The following NAALADL2 variants were observed in gnomAD, a reference collection of about 807,000 sequenced individuals.
The protein encoded by NAALADL2 is inactive N-acetylated-alpha-linked acidic dipeptidase-like protein 2.
A neutral mutation model predicts 87.2 loss-of-function variants in NAALADL2; 76 were observed. The observed-to-expected ratio is 0.87, with a 90% CI of 0.72 to 1.05. The LOEUF is 1.05. Ranked by LOEUF, NAALADL2 falls within the 50% of genes least tolerant of loss-of-function variation. The pLI is 0.00. For synonymous variants in NAALADL2, 354 were observed against 331.0 expected (o/e 1.07, Z -0.75); for missense variants, 1,089 against 945.8 (o/e 1.15, Z -1.99).
chr3:174,526,035 T>C (rs1463987999), intron 1 of NAALADL2, among the ~76,000 whole-genome samples: 2 of 152,234 alleles, frequency 1.3e-5, no homozygotes, highest in African/African-American at 2.4e-5. Context: ...TCCTAAAGCC[T>C]GAAATAAATG....
chr3:174,907,936 C>T (rs1733164507), intron 1 of NAALADL2, among the ~76,000 whole-genome samples: 1 of 149,184 alleles, frequency 6.7e-6, no homozygotes, highest in Non-Finnish European at 1.5e-5. Context: ...ATAATGTGTA[C>T]TTTAGAAAGT....
intron 11 of NAALADL2, among the ~76,000 whole-genome samples, chr3:175,718,913 G>A (rs895382698): frequency 2.6e-5 from 4 of 151,940 alleles, no homozygotes; most frequent in African/African-American, 9.7e-5. Context: ...AAAAAACAAG[G>A]ATAATGTGAT....
chr3:175,271,113 GA>G (rs1211405781), intron 4 of NAALADL2: 1 of 152,154 alleles, frequency 6.6e-6, no homozygotes, highest in African/African-American at 2.4e-5. Flanking sequence ...GTAACAGGGG[GA>G]TATGAGTAGT....
chr3:175,737,459 A>ATGATG lies in NAALADL2; in HGVS notation c.1990+60_1990+61insTGATG, dbSNP rs2150082702. 4 of 1,002,168 alleles carry ATGATG rather than the reference A, an allele frequency of 4.0e-6. No homozygotes were observed. In the South Asian group the frequency reaches 5.2e-5, roughly 13 times the overall value. 62.1% of individuals were successfully genotyped at this position (1,002,168 alleles called of 1,614,324 possible). On this transcript the variant is annotated intron_variant, in intron 12 of 13. Transcript: ENST00000454872. ...TGAAAAATTGTTCAACTAATTTTCA[A>ATGATG]CAAGGAATGGATGAAGTCATCAATG... is the stretch of plus-strand genomic sequence containing the variant.
At chr3:175,502,863 A>G (rs1280433145) in intron 9 of NAALADL2, among the ~76,000 whole-genome samples, 3 of 151,858 alleles carry the variant, frequency 2.0e-5, no homozygotes, top group Non-Finnish European at 4.4e-5. Flanking sequence ...CAGAAGTTAG[A>G]TATATTTATT....
intron 1 of NAALADL2, among the ~76,000 whole-genome samples, chr3:174,927,611 G>A (rs1410213805): frequency 6.6e-6 from 1 of 152,126 alleles, no homozygotes; most frequent in African/African-American, 2.4e-5. Flanking sequence ...AATGACTACT[G>A]GGTACATAAC....
At chr3:175,368,258 C>T (rs1765925709) in intron 5 of NAALADL2, among the ~76,000 whole-genome samples, 1 of 152,052 alleles carries the variant, frequency 6.6e-6, no homozygotes, top group East Asian at 1.9e-4. Flanking sequence ...TTCGGGTTGC[C>T]AGTATTTTAT....
intron 11 of NAALADL2, among the ~76,000 whole-genome samples, chr3:175,670,916 G>T (rs1172865469): frequency 6.6e-6 from 1 of 151,226 alleles, no homozygotes; most frequent in Non-Finnish European, 1.5e-5. Context: ...TTCAATTAGA[G>T]AACAATTTAG....
chr3:174,932,292 T>C (rs745457325), intron 1 of NAALADL2, among the ~76,000 whole-genome samples: 13 of 152,334 alleles, frequency 8.5e-5, no homozygotes, highest in Admixed American at 6.5e-4. Flanking sequence ...GCTCAAGCTG[T>C]ATTATATGTT....
At position 175,374,019 on chromosome 3, in the gene NAALADL2, AT is replaced by A. The variant is rs565298449; in HGVS notation, c.1090+49701del. ...TGTACATACTTTTTCTTACTATTGA[AT>A]TTTTTTATATATTTCAGATGCAAGC... On this transcript the variant is annotated intron_variant, in intron 5 of 13. Transcript: ENST00000454872. Among the ~76,000 whole-genome samples the A allele has an allele frequency of 3.3e-3, 496 of 152,108 alleles. 3 individuals carry two copies. The highest frequency in any genetic ancestry group is 0.011 in the African/African-American group (460 of 41,502).
chr3:175,556,946 A>T (rs932274712), intron 9 of NAALADL2, among the ~76,000 whole-genome samples: 2 of 152,226 alleles, frequency 1.3e-5, no homozygotes, highest in Non-Finnish European at 2.9e-5. Context: ...GTTTATGCTG[A>T]CAAAGCCTAG....
intron 2 of NAALADL2, among the ~76,000 whole-genome samples, chr3:174,644,628 G>A (rs1243946796): frequency 6.6e-6 from 1 of 152,136 alleles, no homozygotes; most frequent in Non-Finnish European, 1.5e-5. Flanking sequence ...CTTTGGGAAA[G>A]TTTAGCTGAT....
At chr3:175,610,926 T>C (rs1014513910) in intron 10 of NAALADL2, among the ~76,000 whole-genome samples, 1 of 152,114 alleles carries the variant, frequency 6.6e-6, no homozygotes, top group African/African-American at 2.4e-5. Context: ...AAATACAGTA[T>C]GCCGTATATG....
At chr3:175,583,069 T>G (rs1347283091) in intron 10 of NAALADL2, among the ~76,000 whole-genome samples, 1 of 152,200 alleles carries the variant, frequency 6.6e-6, no homozygotes, top group Admixed American at 6.5e-5. Context: ...ATGCATTTAA[T>G]AAACCTAACC....
intron 13 of NAALADL2, among the ~76,000 whole-genome samples, chr3:175,786,256 A>G (rs967124010): frequency 1.3e-5 from 2 of 151,856 alleles, no homozygotes; most frequent in Non-Finnish European, 2.9e-5. Context: ...CTGCCTTGCT[A>G]GATTGGGGAA....
At chr3:175,570,854 T>A (rs941549175) in intron 9 of NAALADL2, among the ~76,000 whole-genome samples, 1 of 141,336 alleles carries the variant, frequency 7.1e-6, no homozygotes, top group Admixed American at 7.5e-5. Context: ...CACTCCAGCC[T>A]GGGTGACATA....
intron 5 of NAALADL2, among the ~76,000 whole-genome samples, chr3:175,348,030 C>CA (rs890907230): frequency 2.1e-4 from 32 of 149,750 alleles, no homozygotes; most frequent in African/African-American, 6.4e-4. Context: ...ATGATGGCTT[C>CA]AAAAAAAAAG....
intron 13 of NAALADL2, among the ~76,000 whole-genome samples, chr3:175,798,643 T>C (rs1298769302): frequency 1.3e-5 from 2 of 152,110 alleles, no homozygotes; most frequent in Non-Finnish European, 2.9e-5. Context: ...TGTATTGATT[T>C]TCAGTTCTAA....
chr3:175,266,748 A>G (rs2109961810), intron 4 of NAALADL2, among the ~76,000 whole-genome samples: 1 of 151,972 alleles, frequency 6.6e-6, no homozygotes, highest in Admixed American at 6.6e-5. Context: ...CCAACAAGCC[A>G]TGCTTGCCTA....
Sources: gnomAD v4.1 joint callset for allele counts (sites outside exome capture counted in the v4.1 genomes callset) on GRCh38, gnomAD v4.1.1 for gene constraint, MANE v1.5 for transcripts, NCBI Gene and HGNC (gene_info 2026-07-23, HGNC 2026-07-21) for gene names.